AEBP2: variants seen among roughly 807,000 people sequenced by gnomAD.
AEBP2 encodes zinc finger protein AEBP2.
In AEBP2, 10 loss-of-function variants were observed where a neutral mutation model predicts 50.8. That is an observed-to-expected ratio of 0.20 (90% CI 0.12 to 0.33). The LOEUF is 0.33. AEBP2 is among the 10% of genes least tolerant of loss of function. The probability of loss-of-function intolerance (pLI) is 1.00; values close to 1 mark genes in which losing one functional copy is unlikely to be tolerated. For missense variants in AEBP2, 570 were observed against 688.0 expected (o/e 0.83, Z 1.92); for synonymous variants, 296 against 261.3 (o/e 1.13, Z -1.28).
At chr12:19,459,963 T>A (rs375988577) in intron 1 of AEBP2, among the ~76,000 whole-genome samples, 2 of 152,220 alleles carry the variant, frequency 1.3e-5, no homozygotes, top group South Asian at 2.1e-4. Context: ...GGCTAATGCC[T>A]GTAGTCCCAG....
Position 19,518,574 on chromosome 12 carries a change from C to G in AEBP2, c.*457C>G, listed in dbSNP as rs915558634. ...TTGACAGTGTTTATTGATTTGAAGT[C>G]ATATTAGGAAATATTTAGACAATGA... On this transcript the variant is annotated 3_prime_UTR_variant, in exon 8 of 8. Transcript: ENST00000266508. 10 of 1,353,200 alleles carry G rather than the reference C, an allele frequency of 7.4e-6. No homozygotes were observed. Among genetic ancestry groups the G allele is most frequent in the Admixed American group, 2.6e-5 (1 of 38,936 alleles). 83.8% of individuals were successfully genotyped at this position (1,353,200 alleles called of 1,614,324 possible).
chr12:19,510,366 G>A (rs1216530484), intron 5 of AEBP2, among the ~76,000 whole-genome samples: 1 of 152,100 alleles, frequency 6.6e-6, no homozygotes, highest in African/African-American at 2.4e-5. Context: ...GTGGGGGAGG[G>A]GCAACGCAGA....
At chr12:19,507,493 T>G (rs149358010) in intron 5 of AEBP2, among the ~76,000 whole-genome samples, 178 of 152,260 alleles carry the variant, frequency 1.2e-3, no homozygotes, top group African/African-American at 4.1e-3. Flanking sequence ...AATGAAAAGC[T>G]TTTGAGCTAT....
chr12:19,492,488 A>G (rs1263944998), intron 3 of AEBP2, among the ~76,000 whole-genome samples: 1 of 152,196 alleles, frequency 6.6e-6, no homozygotes, highest in Non-Finnish European at 1.5e-5. Flanking sequence ...AGAGGGCGGC[A>G]TATGACCAAC....
chr12:19,488,496 G>A (rs957500829), intron 3 of AEBP2, among the ~76,000 whole-genome samples: 11 of 151,988 alleles, frequency 7.2e-5, no homozygotes, highest in Non-Finnish European at 1.3e-4. Context: ...AGAATCCGGG[G>A]TTGTTAATTA....
At chr12:19,446,408 T>A (rs1303507140) in intron 1 of AEBP2, among the ~76,000 whole-genome samples, 1 of 152,104 alleles carries the variant, frequency 6.6e-6, no homozygotes, top group African/African-American at 2.4e-5. Flanking sequence ...GCCTAGGGGT[T>A]CGAGACCAGC....
rs1177688765 is a variant in AEBP2 at position 19,412,275 on chromosome 12, A to T, written c.-17+8059A>T. Among the ~76,000 whole-genome samples the T allele has an allele frequency of 4.0e-5, 6 of 151,748 alleles. No homozygotes were observed. The East Asian group carries it at 1.2e-3, about 29-fold the overall frequency. ...ATTCCCAAAGTTTTTTATTTTTTTA[A>T]TTTTTTTTATCTTTTATTTTTGAGA... On this transcript the variant is annotated intron_variant, in intron 1 of 3. Transcript: ENST00000538425.
chr12:19,432,677 G>A (rs2095752050), intron 1 of AEBP2, among the ~76,000 whole-genome samples: 1 of 152,038 alleles, frequency 6.6e-6, no homozygotes, highest in Admixed American at 6.6e-5. Context: ...CTGGGCAACA[G>A]AGCAAGACCC....
upstream of AEBP2, among the ~76,000 whole-genome samples, chr12:19,437,499 G>C (rs776933194): frequency 2.0e-4 from 30 of 152,080 alleles, no homozygotes; most frequent in Non-Finnish European, 3.8e-4. Flanking sequence ...TCAGCCTCCT[G>C]AGTAGCTGGG....
intron 1 of AEBP2, among the ~76,000 whole-genome samples, chr12:19,450,927 A>G (rs969656561): frequency 1.1e-4 from 17 of 151,738 alleles, no homozygotes; most frequent in Admixed American, 3.9e-4. Flanking sequence ...CTGTATTTCA[A>G]TTATTTCTTA....
At position 19,440,898 on chromosome 12, in the gene AEBP2, A is replaced by T. The variant is rs536116577; in HGVS notation, c.671+528A>T. On this transcript the variant is annotated intron_variant, in intron 1 of 7. Coordinates refer to ENST00000266508, the MANE Select transcript of AEBP2 (RefSeq NM_153207.5). Reference sequence around the variant, plus strand: ...AAAAAGGACTGTTCTTTTATATTAAATCATTGCCTCCCAAATCCCTCATTT... The same window carrying T: ...AAAAAGGACTGTTCTTTTATATTAATTCATTGCCTCCCAAATCCCTCATTT... Among the ~76,000 whole-genome samples the T allele has an allele frequency of 2.3e-4, 35 of 152,340 alleles. 1 individual carries two copies. The highest frequency in any genetic ancestry group is 8.4e-4 in the African/African-American group (35 of 41,568).
At chr12:19,437,826 A>C (rs1182097142), upstream of AEBP2, among the ~76,000 whole-genome samples, 1 of 152,224 alleles carries the variant, frequency 6.6e-6, no homozygotes, top group Non-Finnish European at 1.5e-5. Flanking sequence ...CATTTTATAT[A>C]ACAGTTGTCC....
At chr12:19,460,809 C>G (rs1429097608) in intron 1 of AEBP2, among the ~76,000 whole-genome samples, 2 of 152,054 alleles carry the variant, frequency 1.3e-5, no homozygotes, top group Non-Finnish European at 2.9e-5. Context: ...CGCACACTAC[C>G]ATGCCTGGCT....
intron 1 of AEBP2, among the ~76,000 whole-genome samples, chr12:19,410,858 T>A (rs1159642860): frequency 6.6e-6 from 1 of 152,096 alleles, no homozygotes; most frequent in Admixed American, 6.6e-5. Flanking sequence ...GACCTGTCAG[T>A]GAAGTGCTAA....
Position 19,493,897 on chromosome 12 carries a change from C to G in AEBP2, c.1085C>G (p.Ser362Cys). 6.2e-7 allele frequency: 1 copy of G among 1,613,756 alleles called. No homozygotes were observed. Among genetic ancestry groups the G allele is most frequent in the South Asian group, 1.1e-5 (1 of 91,032 alleles). Residue 362 changes from serine (S) to cysteine (C), a missense_variant, in exon 4 of 8, where the codon TCT becomes TGT. Physicochemically the swap from Ser to Cys is moderately radical, Grantham distance 112. This residue lies in a region of AEBP2 where 184 missense variants were observed against 351.2 expected (regional missense o/e 0.52). Coordinates refer to ENST00000266508, the MANE Select transcript of AEBP2 (RefSeq NM_153207.5). ...HFSQQNSSKV[S>C]SQPKAKEESP... ...AGTCAGCAGAACTCCTCAAAAGTTT[C>G]TAGCCAGCCAAAGGCCAAAGAAGAA... is the stretch of plus-strand genomic sequence containing the variant.
chr12:19,418,468 C>T (rs568002268), intron 1 of AEBP2, among the ~76,000 whole-genome samples: 1 of 145,938 alleles, frequency 6.9e-6, no homozygotes, highest in South Asian at 2.2e-4. Context: ...TGGGCTCAAG[C>T]AGTCTTCTTG....
intron 1 of AEBP2, among the ~76,000 whole-genome samples, 162 bp from the exon 2 acceptor site, chr12:19,462,348 A>G (rs1236740945): frequency 6.6e-6 from 1 of 152,164 alleles, no homozygotes; most frequent in African/African-American, 2.4e-5. Flanking sequence ...TTGCCAACTA[A>G]TTAATTTAAA....
rs967445926 is a variant in AEBP2, at chr12:19,518,966, AT to A, written c.*852del. The A allele has an allele frequency of 3.7e-6, 1 of 269,440 alleles. No homozygotes were observed. 16.7% of individuals were successfully genotyped at this position (269,440 alleles called of 1,614,324 possible). On this transcript the variant is annotated 3_prime_UTR_variant, in exon 8 of 8. Coordinates refer to ENST00000266508, the MANE Select transcript of AEBP2 (RefSeq NM_153207.5). ...CTCTAATTTTTTTTCTGAGGAAATCATTTGGTTTTTGAGTTGTTTTTTCTTA... is the reference window on the plus strand; with the variant it reads ...CTCTAATTTTTTTTCTGAGGAAATCATTGGTTTTTGAGTTGTTTTTTCTTA...
chr12:19,518,143 A>G lies in AEBP2; in HGVS notation c.*26A>G. The G allele has an allele frequency of 1.3e-6, 2 of 1,587,578 alleles. No homozygotes were observed. The highest frequency in any genetic ancestry group is 1.7e-6 in the Non-Finnish European group (2 of 1,166,494). On this transcript the variant is annotated 3_prime_UTR_variant, in exon 8 of 8. Transcript: ENST00000266508. ...AAAATAAATAAATACATAAAAAGCAAACAAGCGGGGACACCTGCAGTCTTA... is the reference window on the plus strand; with the variant it reads ...AAAATAAATAAATACATAAAAAGCAGACAAGCGGGGACACCTGCAGTCTTA...
Sources: allele counts gnomAD v4.1 joint callset (sites outside exome capture counted in the v4.1 genomes callset), GRCh38; gene constraint gnomAD v4.1.1; regional missense constraint gnomAD v4.1.1; transcripts MANE v1.5; gene names NCBI Gene and HGNC (gene_info 2026-07-23, HGNC 2026-07-21).